SREBF2: variants seen among roughly 807,000 people sequenced by gnomAD.
The protein encoded by SREBF2 is sterol regulatory element binding transcription factor 2, also known as sterol regulatory element-binding protein 2.
SREBF2 carries 55 observed loss-of-function variants against 113.1 expected under a neutral mutation model. That is an observed-to-expected ratio of 0.49 (90% CI 0.39 to 0.61). The LOEUF is 0.61. Among genes scored for constraint, SREBF2 ranks in the 20% least tolerant of loss-of-function variants. The pLI, the probability that SREBF2 is intolerant of heterozygous loss-of-function variation, is 0.00. For synonymous variants in SREBF2, 593 were observed against 605.7 expected, an observed-to-expected ratio of 0.98 and a Z score of 0.31; for missense variants, 1,349 against 1,487.4, an observed-to-expected ratio of 0.91 and a Z score of 1.53.
intron 16 of SREBF2, among the ~76,000 whole-genome samples, chr22:41,902,083 C>A (rs2077470007): frequency 6.6e-6 from 1 of 152,216 alleles, no homozygotes; most frequent in African/African-American, 2.4e-5. Context: ...AGGCCTTGTG[C>A]AGGGACAGGG....
Position 41,902,954 on chromosome 22 carries a change from G to A in SREBF2, c.2908-16G>A, listed in dbSNP as rs766531175. 4.9e-5 allele frequency: 79 copies of A among 1,605,916 alleles called. No individual in the cohort carries two copies. The highest frequency in any genetic ancestry group is 6.4e-5 in the Non-Finnish European group (75 of 1,176,244). ...GCCAGTCACCTGTCTCCCCTCTCTC[G>A]TGGCTGACCCCACAGGTGGTCCAGC... On this transcript the variant is annotated splice_polypyrimidine_tract_variant and intron_variant, in intron 16 of 18. Coordinates refer to ENST00000361204, the MANE Select transcript of SREBF2 (RefSeq NM_004599.4).
intron 11 of SREBF2, chr22:41,885,641 GGTCC>G: frequency 6.2e-6 from 1 of 161,364 alleles, no homozygotes; most frequent in South Asian, 1.7e-4. Flanking sequence ...GGTAATTCCC[GGTCC>G]TTGTTATCAG....
chr22:41,899,647 A>T, intron 15 of SREBF2: 1 of 890,636 alleles, frequency 1.1e-6, no homozygotes, highest in Non-Finnish European at 1.3e-6. Flanking sequence ...CACTCTGACT[A>T]GGTAAGCACC....
At chr22:41,843,126 CAT>C (rs1293590845) in intron 1 of SREBF2, among the ~76,000 whole-genome samples, 1 of 152,180 alleles carries the variant, frequency 6.6e-6, no homozygotes, top group African/African-American at 2.4e-5. Flanking sequence ...TCAAGTGACA[CAT>C]GACTTTATTT....
rs753986398 is a variant in SREBF2 at position 41,877,326 on chromosome 22, A to G, written c.1484A>G (p.Asn495Ser). The G allele has an allele frequency of 6.2e-7, 1 of 1,613,460 alleles. No individual in the cohort carries two copies. Among genetic ancestry groups the G allele is most frequent in the East Asian group, 2.2e-5 (1 of 44,844 alleles). ...CVLTFLCLSF[N>S]PLTSLLQWGG... ...CTCACCTTCCTGTGCCTCTCCTTTAACCCCCTGACTTCCCTGCTGCAGTGG... is the reference window on the plus strand; with the variant it reads ...CTCACCTTCCTGTGCCTCTCCTTTAGCCCCCTGACTTCCCTGCTGCAGTGG... Residue 495 changes from asparagine to serine, a missense_variant, in exon 8 of 19, where the codon AAC becomes AGC. Around this residue, in one of 2 missense-constraint regions of SREBF2, gnomAD observed 699 missense variants for 843.3 expected, o/e 0.83. Coordinates refer to ENST00000361204, the MANE Select transcript of SREBF2 (RefSeq NM_004599.4).
chr22:41,897,004 C>T (rs1453155502), intron 13 of SREBF2, 48 bp from the exon 14 acceptor site: 1 of 1,368,480 alleles, frequency 7.3e-7, no homozygotes, highest in East Asian at 2.3e-5. Context: ...TGAGGTGGGC[C>T]TTGTGTATAT....
Position 41,897,113 on chromosome 22 carries a change from G to T in SREBF2, c.2557G>T (p.Val853Phe), listed in dbSNP as rs746704836. 6.2e-7 allele frequency: 1 copy of T among 1,612,678 alleles called. No homozygotes were observed. The highest frequency in any genetic ancestry group is 2.2e-5 in the East Asian group (1 of 44,882). The part of the protein sequence containing the change: ...LLHSFVDSVG[V>F]MSPPLSRSSV... Reference sequence around the variant, plus strand: ...TCATTCTTTTGTGGACTCTGTGGGGGTTATGAGCCCCCCACTCTCCAGGAG... The same window carrying T: ...TCATTCTTTTGTGGACTCTGTGGGGTTTATGAGCCCCCCACTCTCCAGGAG... Residue 853 changes from valine to phenylalanine, a missense_variant, in exon 14 of 19, where the codon GTT becomes TTT. Val to Phe is a conservative substitution (Grantham distance 50). This residue lies in a region of SREBF2 where 650 missense variants were observed against 644.1 expected (regional missense o/e 1.01). Coordinates refer to ENST00000361204, the MANE Select transcript of SREBF2 (RefSeq NM_004599.4).
intron 11 of SREBF2, among the ~76,000 whole-genome samples, chr22:41,890,994 C>T (rs914163118): frequency 2.0e-5 from 3 of 152,000 alleles, no homozygotes; most frequent in African/African-American, 4.8e-5. Flanking sequence ...TTCCTCTTGC[C>T]GTATGACCTG....
chr22:41,857,590 T>G (rs1167935554), intron 1 of SREBF2, among the ~76,000 whole-genome samples: 1 of 152,176 alleles, frequency 6.6e-6, no homozygotes, highest in African/African-American at 2.4e-5. Flanking sequence ...AATCCGCACC[T>G]CTCCACCCAA....
At chr22:41,898,918 C>T (rs2077439908) in intron 15 of SREBF2, 137 bp downstream of exon 15, 14 of 1,305,690 alleles carry the variant, frequency 1.1e-5, no homozygotes, top group Middle Eastern at 2.5e-4. Flanking sequence ...CTAGAAAAGT[C>T]GGGGGTGAGG....
chr22:41,833,380 G>GACCA lies in SREBF2; in HGVS notation c.88+22_88+23insACCA. ...GACGGTGAGTGGTGGGTGGGTGGGA[G>GACCA]TGCGGGGGCCGCGCGGGGAGGAAGG... is the stretch of plus-strand genomic sequence containing the variant. On this transcript the variant is annotated intron_variant, in intron 1 of 18. Transcript: ENST00000361204. The surrounding 1 kb of genome is among the most constrained non-coding windows in gnomAD (Gnocchi z 4.1). 1 of 1,486,088 alleles carries GACCA rather than the reference G, an allele frequency of 6.7e-7. No homozygotes were observed. The highest frequency in any genetic ancestry group is 9.1e-7 in the Non-Finnish European group (1 of 1,100,408). 92.1% of individuals were successfully genotyped at this position (1,486,088 alleles called of 1,614,324 possible).
chr22:41,871,769 C>A (rs1247085792), intron 4 of SREBF2, among the ~76,000 whole-genome samples: 1 of 151,708 alleles, frequency 6.6e-6, no homozygotes, highest in Non-Finnish European at 1.5e-5. Flanking sequence ...GTGCATGGTG[C>A]ATGCCTGTAA....
chr22:41,838,412 G>A (rs2076798191), intron 1 of SREBF2, among the ~76,000 whole-genome samples: 1 of 152,150 alleles, frequency 6.6e-6, no homozygotes, highest in South Asian at 2.1e-4. Context: ...AGTAGGGGGT[G>A]ACATATTAAT....
Position 41,877,374 on chromosome 22 carries a change from A to C in SREBF2, c.1532A>C (p.Gln511Pro), listed in dbSNP as rs2077206195. Reference sequence around the variant, plus strand: ...TGGGGAGGGGCCCACGACTCTGACCAGCACCCACACTCAGGCTCTGGCCGC... The same window carrying C: ...TGGGGAGGGGCCCACGACTCTGACCCGCACCCACACTCAGGCTCTGGCCGC... ...LQWGGAHDSDQHPHSGSGRSV... is the reference protein window; with the variant it reads ...LQWGGAHDSDPHPHSGSGRSV... The change falls in exon 8 of 19, where the codon CAG becomes CCG. Residue 511 changes from glutamine (Q) to proline (P), a missense_variant. Physicochemically the swap from Gln to Pro is moderately conservative, Grantham distance 76 (BLOSUM62 -1). Coordinates refer to ENST00000361204, the MANE Select transcript of SREBF2 (RefSeq NM_004599.4). 6.2e-7 allele frequency: 1 copy of C among 1,614,002 alleles called. No individual in the cohort carries two copies.
chr22:41,859,653 C>T (rs181314217), intron 1 of SREBF2, among the ~76,000 whole-genome samples: 194 of 151,550 alleles, frequency 1.3e-3, no homozygotes, highest in African/African-American at 4.5e-3. Flanking sequence ...ATACTAAGTG[C>T]CAGGCATGGT....
At chr22:41,896,082 A>C (rs1047756075) in intron 13 of SREBF2, among the ~76,000 whole-genome samples, 23 of 151,504 alleles carry the variant, frequency 1.5e-4, no homozygotes, top group African/African-American at 5.6e-4. Context: ...CGGAGCTTGC[A>C]GTGAGCCAAG....
chr22:41,884,790 A>T, intron 10 of SREBF2, 52 bp from the exon 11 acceptor site: 1 of 1,605,848 alleles, frequency 6.2e-7, no homozygotes, highest in Non-Finnish European at 8.5e-7. Context: ...AGCAGGAAAA[A>T]GTTTGGTTTT....
chr22:41,833,493 C>T lies in SREBF2; in HGVS notation c.88+135C>T, dbSNP rs1004679602. The stretch of plus-strand genomic sequence containing the variant: ...AAGAACCCCGTGCGCACGGTGCCCC[C>T]GGCGGTCCTCAACCCTTCCGGCGCT... On this transcript the variant is annotated intron_variant, in intron 1 of 18. Coordinates refer to ENST00000361204, the MANE Select transcript of SREBF2 (RefSeq NM_004599.4). This position sits in a 1 kb window ranked among gnomAD's most constrained non-coding sequence, Gnocchi z 4.1. 1.2e-5 allele frequency: 8 copies of T among 691,252 alleles called. No homozygotes were observed. The Admixed American group carries it at 1.3e-4, about 11-fold the overall frequency. The allele number at this position is 691,252 out of a possible 1,614,324, so 42.8% of individuals were successfully genotyped here.
intron 11 of SREBF2, among the ~76,000 whole-genome samples, chr22:41,890,573 C>G (rs1002015782): frequency 7.9e-5 from 12 of 152,116 alleles, no homozygotes; most frequent in Non-Finnish European, 4.4e-5. Context: ...CAGCCTCTTT[C>G]ACATCAGGCA....
Sources: gnomAD v4.1 joint callset for allele counts (sites outside exome capture counted in the v4.1 genomes callset) on GRCh38, gnomAD v4.1.1 for gene constraint, gnomAD v4.1.1 regional missense constraint, Gnocchi (gnomAD v3.1) non-coding constraint, MANE v1.5 for transcripts, NCBI Gene and HGNC (gene_info 2026-07-23, HGNC 2026-07-21) for gene names.